Variants in PCNX1 observed in about 807,000 individuals in gnomAD.
PCNX1 encodes the protein pecanex-like protein 1.
In PCNX1, 78 loss-of-function variants were observed where a neutral mutation model predicts 242.2. That is an observed-to-expected ratio of 0.32 (90% CI 0.27 to 0.39). PCNX1 has a LOEUF of 0.39. Among genes scored for constraint, PCNX1 ranks in the 10% least tolerant of loss-of-function variants. The pLI is 1.00. For synonymous variants in PCNX1, 1,024 were observed against 1,032.9 expected (o/e 0.99, Z 0.17); for missense variants, 2,581 against 2,856.5 (o/e 0.90, Z 2.20).
chr14:71,013,234 G>A, intron 11 of PCNX1, 32 bp downstream of exon 11: 1 of 1,455,240 alleles, frequency 6.9e-7, no homozygotes, highest in African/African-American at 1.4e-5. Flanking sequence ...AATGATACGT[G>A]TGGATTTTAT....
intron 3 of PCNX1, among the ~76,000 whole-genome samples, chr14:70,966,973 G>A (rs2058399185): frequency 6.6e-6 from 1 of 152,158 alleles, no homozygotes; most frequent in Admixed American, 6.5e-5. Flanking sequence ...CAGAAATTAG[G>A]AAAAACTAGA....
intron 24 of PCNX1, 80 bp from the exon 25 acceptor site, chr14:71,055,424 C>T: frequency 2.5e-6 from 2 of 794,194 alleles, no homozygotes; most frequent in Non-Finnish European, 4.2e-6. Context: ...TATACATTTC[C>T]TATAGTTTCT....
chr14:70,940,190 T>C (rs556584395), intron 1 of PCNX1, among the ~76,000 whole-genome samples: 1 of 152,332 alleles, frequency 6.6e-6, no homozygotes, highest in East Asian at 1.9e-4. Flanking sequence ...AGCTGGTTAT[T>C]TTGCCCGTTA....
rs1555383134 is a variant in PCNX1, at chr14:71,112,479, C to CATA, written c.*2548_*2550dup. On this transcript the variant is annotated 3_prime_UTR_variant, in exon 36 of 36. Coordinates refer to ENST00000304743, the MANE Select transcript of PCNX1 (RefSeq NM_014982.3). ...CTAAAACTGACAATCTTTTAAAAATCATAATACTTTTCTAGTAATTGCATC... is the reference window on the plus strand; with the variant it reads ...CTAAAACTGACAATCTTTTAAAAATCATAATAATACTTTTCTAGTAATTGCATC... 5.3e-5 allele frequency: 8 copies of CATA among 151,998 alleles called. No homozygotes were observed. Among genetic ancestry groups the CATA allele is most frequent in the Admixed American group, 3.9e-4 (6 of 15,262 alleles). The allele number at this position is 151,998 out of a possible 1,614,324, so 9.4% of individuals were successfully genotyped here. A position where few individuals can be genotyped will look rare whatever the true frequency, so the allele number is the denominator to read the frequency against.
At chr14:71,028,912 T>TAA in intron 16 of PCNX1, 121 bp downstream of exon 16, 1 of 543,930 alleles carries the variant, frequency 1.8e-6, no homozygotes, top group African/African-American at 2.0e-5. Context: ...TTTCATGGTC[T>TAA]TCATATGTTA....
At chr14:71,026,367 A>G (rs948131870) in intron 14 of PCNX1, 79 bp downstream of exon 14, 1 of 857,130 alleles carries the variant, frequency 1.2e-6, no homozygotes, top group East Asian at 2.8e-5. Flanking sequence ...TATATCAATT[A>G]TACAGCTTTA....
At chr14:70,915,474 T>A (rs1287921076) in intron 1 of PCNX1, among the ~76,000 whole-genome samples, 5 of 152,236 alleles carry the variant, frequency 3.3e-5, no homozygotes, top group Non-Finnish European at 7.3e-5. Flanking sequence ...TTTTAAATAC[T>A]ACTTTGATTA....
At chr14:70,931,442 T>C (rs967450232) in intron 1 of PCNX1, among the ~76,000 whole-genome samples, 1 of 152,198 alleles carries the variant, frequency 6.6e-6, no homozygotes, top group African/African-American at 2.4e-5. Flanking sequence ...TTGTTACAAA[T>C]GTTTAGTTTT....
chr14:70,924,248 A>AG (rs2056498129), intron 1 of PCNX1, among the ~76,000 whole-genome samples: 1 of 151,228 alleles, frequency 6.6e-6, no homozygotes, highest in South Asian at 2.1e-4. Context: ...AAAAAAAAAA[A>AG]AGAAAAAGAA....
rs1455665028 is a variant in PCNX1, at chr14:71,111,714, T to C, written c.*1779T>C. The C allele has an allele frequency of 6.6e-6, 1 of 152,164 alleles. No homozygotes were observed. Among genetic ancestry groups the C allele is most frequent in the Non-Finnish European group, 1.5e-5 (1 of 67,966 alleles). 9.4% of individuals were successfully genotyped at this position (152,164 alleles called of 1,614,324 possible). A position where few individuals can be genotyped will look rare whatever the true frequency, so the allele number is the denominator to read the frequency against. ...ATTTCCACTTTAAAACCTATTTATTTTCCCTTTTTCTAATTTTAAACTTTT... is the reference window on the plus strand; with the variant it reads ...ATTTCCACTTTAAAACCTATTTATTCTCCCTTTTTCTAATTTTAAACTTTT... On this transcript the variant is annotated 3_prime_UTR_variant, in exon 36 of 36. Transcript: ENST00000304743.
chr14:71,016,583 C>A (rs528577675), intron 11 of PCNX1, among the ~76,000 whole-genome samples: 2 of 152,174 alleles, frequency 1.3e-5, no homozygotes, highest in Admixed American at 1.3e-4. Context: ...ACAAATAGAA[C>A]CTTGGAAAAT....
chr14:71,003,255 T>G (rs536582664), intron 8 of PCNX1, among the ~76,000 whole-genome samples: 1 of 151,982 alleles, frequency 6.6e-6, no homozygotes, highest in East Asian at 1.9e-4. Context: ...AGCTATTTTT[T>G]TATTTTTGTA....
chr14:70,908,207 C>T (rs2055653632), intron 1 of PCNX1, among the ~76,000 whole-genome samples: 2 of 152,140 alleles, frequency 1.3e-5, no homozygotes, highest in South Asian at 4.1e-4. Context: ...GCAACGAGCC[C>T]ACGGCAACCC....
intron 30 of PCNX1, among the ~76,000 whole-genome samples, chr14:71,100,149 A>G (rs960272496): frequency 6.6e-6 from 1 of 152,084 alleles, no homozygotes; most frequent in African/African-American, 2.4e-5. Flanking sequence ...TGTATCATGA[A>G]TGGTTGCTTC....
At chr14:71,018,943 C>CT in intron 11 of PCNX1, 66 bp from the exon 12 acceptor site, 2 of 1,364,096 alleles carry the variant, frequency 1.5e-6, no homozygotes. Context: ...CTTCCCTTCC[C>CT]TTTTTTCCAT....
In PCNX1 at chr14:70,969,017, G is replaced by A; in HGVS notation, c.515-4G>A. 6.4e-7 allele frequency: 1 copy of A among 1,570,102 alleles called. No individual in the cohort carries two copies. The highest frequency in any genetic ancestry group is 8.8e-7 in the Non-Finnish European group (1 of 1,140,220). On this transcript the variant is annotated splice_region_variant and splice_polypyrimidine_tract_variant and intron_variant, in intron 4 of 35. Coordinates refer to ENST00000304743, the MANE Select transcript of PCNX1 (RefSeq NM_014982.3). ...GTCCTCACATGTTTCTCTTAACTTT[G>A]TAGGAGATACAGACACTGCTAAGAC... is the stretch of plus-strand genomic sequence containing the variant.
chr14:71,075,550 A>C (rs888826565), intron 27 of PCNX1, among the ~76,000 whole-genome samples: 3 of 128,476 alleles, frequency 2.3e-5, no homozygotes, highest in Admixed American at 8.1e-5. Flanking sequence ...AATGCAGCAC[A>C]GTAAAGTTTT....
chr14:70,963,248 A>G (rs1196656505), intron 3 of PCNX1, among the ~76,000 whole-genome samples: 3 of 152,132 alleles, frequency 2.0e-5, no homozygotes, highest in Non-Finnish European at 4.4e-5. Flanking sequence ...AAGATTTTCA[A>G]ACACCTTATG....
intron 2 of PCNX1, among the ~76,000 whole-genome samples, chr14:70,949,267 A>ATACACACATATG (rs1566608325): frequency 1.7e-4 from 4 of 23,820 alleles, no homozygotes; most frequent in African/African-American, 5.3e-4. Context: ...ACACACGTGT[A>ATACACACATATG]TGCACACACG....
Sources: allele counts gnomAD v4.1 joint callset (sites outside exome capture counted in the v4.1 genomes callset), GRCh38; gene constraint gnomAD v4.1.1; transcripts MANE v1.5; gene names NCBI Gene and HGNC (gene_info 2026-07-23, HGNC 2026-07-21).